MAPK8IP3: variants seen among roughly 807,000 people sequenced by gnomAD.
MAPK8IP3 encodes the protein mitogen-activated protein kinase 8 interacting protein 3.
Under a neutral mutation model 157.8 loss-of-function variants are expected in MAPK8IP3, and 49 were observed. That is an observed-to-expected ratio of 0.31 (90% CI 0.25 to 0.39). The LOEUF (loss-of-function observed/expected upper bound fraction) is 0.39, where lower values mean the gene tolerates loss of function less well. Among genes scored for constraint, MAPK8IP3 ranks in the 10% least tolerant of loss-of-function variants. The probability of loss-of-function intolerance (pLI) is 1.00; values close to 1 mark genes in which losing one functional copy is unlikely to be tolerated. For missense variants in MAPK8IP3, 1,478 were observed against 1,889.4 expected (o/e 0.78, Z 4.04); for synonymous variants, 897 against 777.7 (o/e 1.15, Z -2.55).
rs1596832462 is a variant in MAPK8IP3, at chr16:1,770,181, G to A, written c.*1357G>A. The A allele has an allele frequency of 6.4e-6, 1 of 155,180 alleles. No homozygotes were observed. 9.6% of individuals were successfully genotyped at this position (155,180 alleles called of 1,614,324 possible). On this transcript the variant is annotated 3_prime_UTR_variant, in exon 32 of 32. Transcript: ENST00000610761. ...GTGATGTATGTCCGCTCCCTCGTCT[G>A]TTCCCCCAGGATCTCGAAGTGACTC...
intron 4 of MAPK8IP3, among the ~76,000 whole-genome samples, chr16:1,736,151 T>C (rs1438325986): frequency 7.3e-6 from 1 of 137,832 alleles, no homozygotes; most frequent in Admixed American, 7.6e-5. Flanking sequence ...AGCATCTGTG[T>C]GACCGTCCGT....
intron 9 of MAPK8IP3, among the ~76,000 whole-genome samples, 168 bp downstream of exon 9, chr16:1,758,327 T>G (rs939897925): frequency 6.6e-6 from 1 of 152,132 alleles, no homozygotes; most frequent in Non-Finnish European, 1.5e-5. Context: ...GCTTGTTCGG[T>G]TTGCTCCACC....
intron 8 of MAPK8IP3, among the ~76,000 whole-genome samples, chr16:1,749,108 GC>G (rs1473791539): frequency 6.6e-6 from 1 of 152,206 alleles, no homozygotes; most frequent in Non-Finnish European, 1.5e-5. Context: ...GCCACCACAG[GC>G]CTGTACATTT....
chr16:1,758,009 C>A, intron 8 of MAPK8IP3, 139 bp from the exon 9 acceptor site: 1 of 847,128 alleles, frequency 1.2e-6, no homozygotes, highest in Non-Finnish European at 1.9e-6. Flanking sequence ...GCTGCTCCCT[C>A]TCTCTCCTGC....
chr16:1,753,342 A>T (rs1014082854), intron 8 of MAPK8IP3, among the ~76,000 whole-genome samples: 1 of 152,060 alleles, frequency 6.6e-6, no homozygotes, highest in African/African-American at 2.4e-5. Flanking sequence ...CTGGTCTCAA[A>T]CTCCTAGACT....
chr16:1,728,995 C>T (rs2039105325), intron 2 of MAPK8IP3, 143 bp from the exon 3 acceptor site: 1 of 751,160 alleles, frequency 1.3e-6, no homozygotes, highest in Non-Finnish European at 2.4e-6. Flanking sequence ...GACGGCCTTG[C>T]ACTTGCCGGG....
At chr16:1,739,630 GCTTC>G (rs2040488388) in intron 4 of MAPK8IP3, among the ~76,000 whole-genome samples, 11 of 136,950 alleles carry the variant, frequency 8.0e-5, no homozygotes, top group East Asian at 2.3e-4. Context: ...GTCCGTGTGA[GCTTC>G]CGTGTGACCG....
chr16:1,730,564 C>A (rs1312086341), intron 4 of MAPK8IP3, among the ~76,000 whole-genome samples: 1 of 151,882 alleles, frequency 6.6e-6, no homozygotes, highest in Non-Finnish European at 1.5e-5. Context: ...ATGGTGAAAC[C>A]CCATCTCTAC....
intron 4 of MAPK8IP3, among the ~76,000 whole-genome samples, chr16:1,737,719 C>T (rs531017126): frequency 8.9e-5 from 6 of 67,232 alleles, no homozygotes; most frequent in South Asian, 9.6e-4. Flanking sequence ...TCTGTGTGAC[C>T]GTCCGTGTGA....
chr16:1,755,775 A>C (rs766368641), intron 8 of MAPK8IP3, among the ~76,000 whole-genome samples: 9 of 150,790 alleles, frequency 6.0e-5, no homozygotes, highest in Non-Finnish European at 1.3e-4. Flanking sequence ...TGAACCCGAG[A>C]CGTGGAGGTT....
intron 1 of MAPK8IP3, among the ~76,000 whole-genome samples, chr16:1,712,898 C>A (rs891604642): frequency 6.6e-6 from 1 of 152,254 alleles, no homozygotes; most frequent in Non-Finnish European, 1.5e-5. Context: ...CCCCACCAGG[C>A]CTCTCTCCCG....
At position 1,747,109 on chromosome 16, in the gene MAPK8IP3, G is replaced by T. The variant is rs369212166; in HGVS notation, c.828G>T (p.Thr276=). Residue 276 remains threonine, a synonymous_variant, in exon 6 of 32, where the codon ACG becomes ACT. Transcript: ENST00000610761. Reference sequence around the variant, plus strand: ...GCACCACAGGCACCAAGTCCAACACGCCCACATCCTCCGTGCCCTCGGCCG... The same window carrying T: ...GCACCACAGGCACCAAGTCCAACACTCCCACATCCTCCGTGCCCTCGGCCG... The part of the protein sequence containing the change: ...TPSTTGTKSN[T]PTSSVPSAAV... 3.7e-5 allele frequency: 59 copies of T among 1,613,732 alleles called. No individual in the cohort carries two copies. The highest frequency in any genetic ancestry group is 5.0e-5 in the Non-Finnish European group (59 of 1,179,930).
intron 4 of MAPK8IP3, among the ~76,000 whole-genome samples, chr16:1,737,294 A>G (rs1267849924): frequency 1.5e-5 from 1 of 67,968 alleles, no homozygotes; most frequent in Non-Finnish European, 2.6e-5. Flanking sequence ...GAGTGTGACC[A>G]TCCATGTGAG....
intron 4 of MAPK8IP3, chr16:1,734,874 TAGTG>T (rs111246013): frequency 0.043 from 6,590 of 154,718 alleles, 208 homozygotes; most frequent in East Asian, 0.12. Flanking sequence ...TGGCGTGGCT[TAGTG>T]AGTGTGTGTC....
At chr16:1,712,804 G>A (rs932916483) in intron 1 of MAPK8IP3, among the ~76,000 whole-genome samples, 5 of 152,156 alleles carry the variant, frequency 3.3e-5, no homozygotes, top group East Asian at 1.9e-4. Context: ...CGTCTCTGCC[G>A]GATTCGCTGG....
At chr16:1,756,246 C>T (rs985158942) in intron 8 of MAPK8IP3, among the ~76,000 whole-genome samples, 1 of 152,128 alleles carries the variant, frequency 6.6e-6, no homozygotes, top group East Asian at 1.9e-4. Flanking sequence ...GCATTGAAAG[C>T]AACCAGGCCA....
At chr16:1,738,841 C>T (rs2040335645) in intron 4 of MAPK8IP3, among the ~76,000 whole-genome samples, 1 of 130,430 alleles carries the variant, frequency 7.7e-6, no homozygotes, top group African/African-American at 2.9e-5. Flanking sequence ...GTGTGAGCGT[C>T]CGTGTGAGCG....
Position 1,706,471 on chromosome 16 carries a change from C to A in MAPK8IP3, c.132C>A (p.Ile44=), listed in dbSNP as rs1372959179. The A allele has an allele frequency of 6.2e-7, 1 of 1,614,066 alleles. No homozygotes were observed. The highest frequency in any genetic ancestry group is 8.5e-7 in the Non-Finnish European group (1 of 1,179,986). Residue 44 remains isoleucine, a synonymous_variant, in exon 1 of 32, where the codon ATC becomes ATA. Transcript: ENST00000610761. This position sits in a 1 kb window ranked among gnomAD's most constrained non-coding sequence, Gnocchi z 5.1. ...TCTACCGCGAGTTCGAGCGCCTCAT[C>A]CACTGCTACGACGAGGAGGTGGTCA... is the stretch of plus-strand genomic sequence containing the variant. ...GSIYREFERL[I]HCYDEEVVKE...
chr16:1,763,791 C>A lies in MAPK8IP3; in HGVS notation c.2025+8C>A. On this transcript the variant is annotated splice_region_variant and intron_variant, in intron 17 of 31. Transcript: ENST00000610761. Reference sequence around the variant, plus strand: ...CCCGCCAAGTACAAGCAGGTGCGGGCGGGCGCTGCGGGGACCGGGCGGGGC... The same window carrying A: ...CCCGCCAAGTACAAGCAGGTGCGGGAGGGCGCTGCGGGGACCGGGCGGGGC... 8 of 1,244,984 alleles carry A rather than the reference C, an allele frequency of 6.4e-6. No homozygotes were observed. Among genetic ancestry groups the A allele is most frequent in the Non-Finnish European group, 7.3e-6 (7 of 963,800 alleles). The allele number at this position is 1,244,984 out of a possible 1,614,324, so 77.1% of individuals were successfully genotyped here. A position where few individuals can be genotyped will look rare whatever the true frequency, so the allele number is the denominator to read the frequency against.
Sources: gnomAD v4.1 joint callset for allele counts (sites outside exome capture counted in the v4.1 genomes callset) on GRCh38, gnomAD v4.1.1 for gene constraint, Gnocchi (gnomAD v3.1) non-coding constraint, MANE v1.5 for transcripts, NCBI Gene and HGNC (gene_info 2026-07-23, HGNC 2026-07-21) for gene names.